Variants in B3GALT2 observed in about 807,000 individuals in gnomAD.
B3GALT2 encodes the protein beta-1,3-galactosyltransferase 2.
In B3GALT2, 13 loss-of-function variants were observed where a neutral mutation model predicts 33.5. That is an observed-to-expected ratio of 0.39 (90% CI 0.25 to 0.62). The LOEUF (loss-of-function observed/expected upper bound fraction) is 0.62, where lower values mean the gene tolerates loss of function less well. Ranked by LOEUF, B3GALT2 falls within the 20% of genes least tolerant of loss-of-function variation. The probability of loss-of-function intolerance (pLI) is 0.53; values close to 1 mark genes in which losing one functional copy is unlikely to be tolerated. For missense variants in B3GALT2, 418 were observed against 509.1 expected, an observed-to-expected ratio of 0.82 and a Z score of 1.72; for synonymous variants, 195 against 172.7, an observed-to-expected ratio of 1.13 and a Z score of -1.01.
chr1:193,185,671 T>G (rs368415785), intron 1 of B3GALT2, among the ~76,000 whole-genome samples: 22 of 152,186 alleles, frequency 1.4e-4, no homozygotes, highest in African/African-American at 5.3e-4. Context: ...AGATAAGGAT[T>G]CAGTTTGACC....
intron 1 of B3GALT2, 65 bp from the exon 2 acceptor site, chr1:193,181,747 C>T: frequency 1.8e-6 from 1 of 551,510 alleles, no homozygotes; most frequent in East Asian, 3.0e-5. Flanking sequence ...CTAATATGAT[C>T]AGGGCAAATA....
chr1:193,181,973 G>A (rs571192811), intron 1 of B3GALT2, among the ~76,000 whole-genome samples: 1 of 152,266 alleles, frequency 6.6e-6, no homozygotes, highest in Non-Finnish European at 1.5e-5. Context: ...TTTAAAAGTT[G>A]AATGTATTCG....
chr1:193,184,681 T>C lies in B3GALT2; in HGVS notation c.-121+1338A>G, dbSNP rs539510100. Among the ~76,000 whole-genome samples the C allele has an allele frequency of 5.1e-4, 77 of 152,070 alleles. 3 individuals carry two copies. In the South Asian group the frequency reaches 0.016, roughly 31 times the overall value. On this transcript the variant is annotated intron_variant, in intron 1 of 1. Transcript: ENST00000367434. The stretch of plus-strand genomic sequence containing the variant: ...TGTATAGCTTATAAAACTGCTTAAT[T>C]GGTGACTTCAATATTGAGAGATTAA...
chr1:193,182,684 A>C (rs1251803156), intron 1 of B3GALT2, among the ~76,000 whole-genome samples: 2 of 152,180 alleles, frequency 1.3e-5, no homozygotes, highest in East Asian at 3.8e-4. Context: ...GATGGCATAT[A>C]TTAAGAACTG....
rs761969815 is a variant in B3GALT2 at position 193,181,182 on chromosome 1, A to C, written c.381T>G (p.Gly127=). The C allele has an allele frequency of 6.2e-7, 1 of 1,613,870 alleles. No homozygotes were observed. The highest frequency in any genetic ancestry group is 1.1e-5 in the South Asian group (1 of 91,058). Residue 127 remains glycine, a synonymous_variant, in exon 2 of 2, where the codon GGT becomes GGG. Transcript: ENST00000367434. The stretch of plus-strand genomic sequence containing the variant: ...AATGGTAAGAATTTGGATGTCCAGT[A>C]CCTTTTTCATTGTAAATACTTCCAT... ...SANGSIYNEK[G]TGHPNSYHFK...
In B3GALT2 at chr1:193,181,323, C is replaced by A; in HGVS notation, c.240G>T (p.Arg80=). The A allele has an allele frequency of 6.2e-7, 1 of 1,613,996 alleles. No homozygotes were observed. Among genetic ancestry groups the A allele is most frequent in the South Asian group, 1.1e-5 (1 of 91,078 alleles). Residue 80 remains arginine (R), a synonymous_variant, in exon 2 of 2, where the codon CGG becomes CGT. Transcript: ENST00000367434. ...GAGGGACTGTTTCTTTCCAAATGTT[C>A]CGAAGGGAGCTGTGGTTTGTCTCAC... The part of the protein sequence containing the change: ...TKSETNHSSL[R]NIWKETVPQT...
Position 193,180,356 on chromosome 1 carries a change from T to G in B3GALT2, c.1207A>C (p.Asn403His). The G allele has an allele frequency of 6.2e-7, 1 of 1,611,460 alleles. No homozygotes were observed. Among genetic ancestry groups the G allele is most frequent in the Non-Finnish European group, 8.5e-7 (1 of 1,178,228 alleles). ...YWNHLQQNKH[N>H]ACANAAKEKA... ...TCTTTTGCTGCGTTGGCACAGGCAT[T>G]GTGCTTATTTTGTTGTAAATGGTTC... Residue 403 changes from asparagine (N) to histidine (H), a missense_variant, in exon 2 of 2, where the codon AAT becomes CAT. By Grantham distance (68) the Asn-to-His change is moderately conservative (BLOSUM62 1). Transcript: ENST00000367434.
chr1:193,180,502 T>A lies in B3GALT2; in HGVS notation c.1061A>T (p.Asp354Val). The A allele has an allele frequency of 1.2e-6, 2 of 1,614,002 alleles. No homozygotes were observed. Among genetic ancestry groups the A allele is most frequent in the South Asian group, 1.1e-5 (1 of 91,064 alleles). ...VGICLAKLRI[D>V]PVPPPNEFVF... ...AAACTCATTGGGAGGGGGTACAGGATCAATTCTCAACTTGGCAAGACAGAT... is the reference window on the plus strand; with the variant it reads ...AAACTCATTGGGAGGGGGTACAGGAACAATTCTCAACTTGGCAAGACAGAT... The change falls in exon 2 of 2, where the codon GAT becomes GTT. Residue 354 changes from aspartate to valine, a missense_variant. Transcript: ENST00000367434.
Position 193,180,534 on chromosome 1 carries a change from A to G in B3GALT2, c.1029T>C (p.Tyr343=), listed in dbSNP as rs781494770. The change falls in exon 2 of 2, where the codon TAT becomes TAC. Residue 343 remains tyrosine (Y), a synonymous_variant. Coordinates refer to ENST00000367434, the MANE Select transcript of B3GALT2 (RefSeq NM_003783.3). ...GIRRLHLEDV[Y]VGICLAKLRI... ...TCAACTTGGCAAGACAGATCCCTAC[A>G]TATACATCTTCCAAGTGCAAACGGC... The G allele has an allele frequency of 1.9e-6, 3 of 1,614,132 alleles. No homozygotes were observed. The highest frequency in any genetic ancestry group is 1.1e-5 in the South Asian group (1 of 91,082).
chr1:193,184,396 A>G (rs958682339), intron 1 of B3GALT2, among the ~76,000 whole-genome samples: 1 of 152,080 alleles, frequency 6.6e-6, no homozygotes, highest in East Asian at 1.9e-4. Flanking sequence ...GAGCAAAACA[A>G]GAAAGTTCAG....
Position 193,181,146 on chromosome 1 carries a change from A to G in B3GALT2, c.417T>C (p.Ile139=), listed in dbSNP as rs998757805. ...GHPNSYHFKY[I]INEPEKCQEK... ...CTTGGCATTTTTCAGGCTCATTAATAATATATTTGAAATGGTAAGAATTTG... is the reference window on the plus strand; with the variant it reads ...CTTGGCATTTTTCAGGCTCATTAATGATATATTTGAAATGGTAAGAATTTG... Residue 139 remains isoleucine (I), a synonymous_variant, in exon 2 of 2, where the codon ATT becomes ATC. Transcript: ENST00000367434. 3.1e-6 allele frequency: 5 copies of G among 1,613,976 alleles called. No individual in the cohort carries two copies. Among genetic ancestry groups the G allele is most frequent in the Non-Finnish European group, 4.2e-6 (5 of 1,179,936 alleles).
rs1279641807 is a variant in B3GALT2 at position 193,181,520 on chromosome 1, T to A, written c.43A>T (p.Thr15Ser). ...RRRHCCFAKM[T>S]WNAKRSLFRT... ...AACAGAGACCTTTTGGCATTCCAGG[T>A]CATCTTTGCAAAGCAGCAGTGTCTT... The change falls in exon 2 of 2, where the codon ACC becomes TCC. Residue 15 changes from threonine to serine, a missense_variant. Transcript: ENST00000367434. 1 of 1,608,978 alleles carries A rather than the reference T, an allele frequency of 6.2e-7. No homozygotes were observed.
chr1:193,183,436 G>T (rs557355827), intron 1 of B3GALT2, among the ~76,000 whole-genome samples: 1 of 147,672 alleles, frequency 6.8e-6, no homozygotes, highest in South Asian at 2.2e-4. Context: ...CTATTTGTTA[G>T]AATTTGTTTA....
At position 193,181,594 on chromosome 1, in the gene B3GALT2, A is replaced by G; in HGVS notation, c.-32T>C. On this transcript the variant is annotated 5_prime_UTR_variant, in exon 2 of 2. Transcript: ENST00000367434. ...AATATCCAGTAGTGGTATATGAGAG[A>G]TTGGTGACCAAAAATGTTTTCTTCT... 2 of 1,518,906 alleles carry G rather than the reference A, an allele frequency of 1.3e-6. No homozygotes were observed. Among genetic ancestry groups the G allele is most frequent in the East Asian group, 2.3e-5 (1 of 44,124 alleles). 94.1% of individuals were successfully genotyped at this position (1,518,906 alleles called of 1,614,324 possible). A position where few individuals can be genotyped will look rare whatever the true frequency, so the allele number is the denominator to read the frequency against.
Position 193,181,583 on chromosome 1 carries a change from G to GT in B3GALT2, c.-22dup. On this transcript the variant is annotated 5_prime_UTR_variant, in exon 2 of 2. Transcript: ENST00000367434. The stretch of plus-strand genomic sequence containing the variant: ...AGCATGTTGTAAATATCCAGTAGTG[G>GT]TATATGAGAGATTGGTGACCAAAAA... The GT allele has an allele frequency of 6.5e-7, 1 of 1,537,418 alleles. No individual in the cohort carries two copies. Among genetic ancestry groups the GT allele is most frequent in the Non-Finnish European group, 8.7e-7 (1 of 1,146,664 alleles).
Position 193,181,276 on chromosome 1 carries a change from G to A in B3GALT2, c.287C>T (p.Ala96Val), listed in dbSNP as rs1390591829. 3 of 1,614,064 alleles carry A rather than the reference G, an allele frequency of 1.9e-6. No individual in the cohort carries two copies. Among genetic ancestry groups the A allele is most frequent in the South Asian group, 1.1e-5 (1 of 91,088 alleles). ...TVPQTLRPQT[A>V]TNSNNTDLSP... ...CAGGTCTGTGTTATTAGAGTTAGTT[G>A]CTGTTTGAGGCCTCAGGGTTTGAGG... The change falls in exon 2 of 2, where the codon GCA becomes GTA. Residue 96 changes from alanine (A) to valine (V), a missense_variant. This residue lies in a region of B3GALT2 where 188 missense variants were observed against 197.5 expected (regional missense o/e 0.95). Coordinates refer to ENST00000367434, the MANE Select transcript of B3GALT2 (RefSeq NM_003783.3).
Position 193,178,821 on chromosome 1 carries a change from A to T in B3GALT2, c.*1473T>A, listed in dbSNP as rs1382510034. Among the ~76,000 whole-genome samples, 4 of 152,214 alleles carry T rather than the reference A, an allele frequency of 2.6e-5. No homozygotes were observed. On this transcript the variant is annotated 3_prime_UTR_variant, in exon 2 of 2. Transcript: ENST00000367434. ...CAGTTTTAGTGTTTTCAAGTTTCAC[A>T]AATGTTACAATTCTCTTCTGGTGAT...
At chr1:193,182,983 T>C (rs1004720100) in intron 1 of B3GALT2, among the ~76,000 whole-genome samples, 1 of 152,024 alleles carries the variant, frequency 6.6e-6, no homozygotes, top group Non-Finnish European at 1.5e-5. Flanking sequence ...GAAATTACAG[T>C]GTATGCATAA....
At chr1:193,184,978 A>G (rs1179995939) in intron 1 of B3GALT2, among the ~76,000 whole-genome samples, 1 of 152,000 alleles carries the variant, frequency 6.6e-6, no homozygotes, top group African/African-American at 2.4e-5. Context: ...AAATATCTTT[A>G]AGTTCTTGAG....
Sources: allele counts gnomAD v4.1 joint callset (sites outside exome capture counted in the v4.1 genomes callset), GRCh38; gene constraint gnomAD v4.1.1; regional missense constraint gnomAD v4.1.1; transcripts MANE v1.5; gene names NCBI Gene and HGNC (gene_info 2026-07-23, HGNC 2026-07-21).